Variants in FSTL5 observed in about 807,000 individuals in gnomAD.
FSTL5 encodes the protein follistatin-related protein 5.
In FSTL5, 62 loss-of-function variants were observed where a neutral mutation model predicts 89.1. The observed-to-expected ratio is 0.70, with a 90% CI of 0.57 to 0.86. The LOEUF (loss-of-function observed/expected upper bound fraction) is 0.86. FSTL5 is among the 40% of genes least tolerant of loss of function. FSTL5 has a pLI of 0.00. For synonymous variants in FSTL5, 383 were observed against 346.2 expected (o/e 1.11, Z -1.18); for missense variants, 1,057 against 1,001.6 (o/e 1.06, Z -0.75).
intron 4 of FSTL5, among the ~76,000 whole-genome samples, chr4:161,842,317 A>G (rs912983366): frequency 3.9e-5 from 6 of 152,158 alleles, no homozygotes. Context: ...ACTAACTATG[A>G]GACTAAGAGT....
At chr4:161,451,966 A>G (rs1337119063) in intron 15 of FSTL5, among the ~76,000 whole-genome samples, 1 of 152,246 alleles carries the variant, frequency 6.6e-6, no homozygotes, top group East Asian at 1.9e-4. Flanking sequence ...ATTTGAAATA[A>G]GTGTACCAGC....
chr4:161,476,183 T>TTTG (rs1553990023), intron 13 of FSTL5, among the ~76,000 whole-genome samples: 8 of 105,774 alleles, frequency 7.6e-5, no homozygotes, highest in Non-Finnish European at 1.3e-4. Context: ...GTTTTTTTTT[T>TTTG]TTTTTGTTTG....
At chr4:161,817,167 T>G (rs1404225705) in intron 4 of FSTL5, among the ~76,000 whole-genome samples, 1 of 152,238 alleles carries the variant, frequency 6.6e-6, no homozygotes, top group Non-Finnish European at 1.5e-5. Flanking sequence ...AAAATTATAA[T>G]GATATTTTAT....
intron 6 of FSTL5, among the ~76,000 whole-genome samples, chr4:161,740,478 A>G (rs560500183): frequency 1.3e-5 from 2 of 152,142 alleles, no homozygotes; most frequent in Non-Finnish European, 2.9e-5. Context: ...TAAAAGAAAA[A>G]AAAAAGCAAG....
chr4:161,573,753 A>AGG (rs1560960343), intron 8 of FSTL5, among the ~76,000 whole-genome samples: 1 of 131,470 alleles, frequency 7.6e-6, no homozygotes, highest in African/African-American at 2.9e-5. Context: ...AAAAAAAAAA[A>AGG]AAAAGAAAAG....
At chr4:161,525,258 G>A (rs1731177516) in intron 10 of FSTL5, among the ~76,000 whole-genome samples, 1 of 152,134 alleles carries the variant, frequency 6.6e-6, no homozygotes, top group Non-Finnish European at 1.5e-5. Flanking sequence ...TTGACCACAT[G>A]CTAGCAACAT....
At chr4:161,739,178 G>C (rs867857620) in intron 6 of FSTL5, among the ~76,000 whole-genome samples, 27 of 152,294 alleles carry the variant, frequency 1.8e-4, no homozygotes, top group African/African-American at 6.5e-4. Flanking sequence ...TGCTGCAGAA[G>C]TAATTAGTTA....
chr4:161,520,581 A>C (rs139314370), intron 10 of FSTL5, among the ~76,000 whole-genome samples: 24 of 152,252 alleles, frequency 1.6e-4, no homozygotes, highest in African/African-American at 5.8e-4. Flanking sequence ...GACACGTAGG[A>C]GTAAATATAT....
intron 7 of FSTL5, among the ~76,000 whole-genome samples, chr4:161,642,370 A>G (rs1735994585): frequency 6.6e-6 from 1 of 152,222 alleles, no homozygotes; most frequent in East Asian, 1.9e-4. Flanking sequence ...TTAAATGGAA[A>G]TGAATTAAAT....
chr4:162,157,016 T>C (rs1489091670), intron 1 of FSTL5, among the ~76,000 whole-genome samples: 1 of 152,162 alleles, frequency 6.6e-6, no homozygotes. Flanking sequence ...ATGCACAGGA[T>C]TTTATGAATC....
intron 6 of FSTL5, among the ~76,000 whole-genome samples, chr4:161,711,041 G>C (rs1484423098): frequency 2.6e-5 from 4 of 152,122 alleles, no homozygotes; most frequent in African/African-American, 9.7e-5. Flanking sequence ...TAGGTAAGCA[G>C]TGCTTAGAGA....
At chr4:161,475,790 C>A in intron 13 of FSTL5, among the ~76,000 whole-genome samples, 1 of 151,892 alleles carries the variant, frequency 6.6e-6, no homozygotes, top group East Asian at 1.9e-4. Flanking sequence ...CACTCTGTTG[C>A]CCAGGCTGGA....
intron 1 of FSTL5, among the ~76,000 whole-genome samples, chr4:162,143,741 CACACA>C (rs370155076): frequency 0.4 from 54,751 of 136,362 alleles, 11,191 homozygotes; most frequent in Admixed American, 0.5. Context: ...CACACACACA[CACACA>C]CACCCAGGAA....
Position 161,384,342 on chromosome 4 carries a change from C to A in FSTL5, c.*1405G>T, listed in dbSNP as rs1299147701. 1 of 151,946 alleles carries A rather than the reference C, an allele frequency of 6.6e-6. No individual in the cohort carries two copies. The highest frequency in any genetic ancestry group is 1.5e-5 in the Non-Finnish European group (1 of 67,918). 9.4% of individuals were successfully genotyped at this position (151,946 alleles called of 1,614,324 possible). Reference sequence around the variant, plus strand: ...TAACATTTTTTTGCAACAATAAAAACAAAAATAAGTACAAGGATTTTCAAA... The same window carrying A: ...TAACATTTTTTTGCAACAATAAAAAAAAAAATAAGTACAAGGATTTTCAAA... On this transcript the variant is annotated 3_prime_UTR_variant, in exon 16 of 16. Transcript: ENST00000306100.
intron 1 of FSTL5, among the ~76,000 whole-genome samples, chr4:162,124,417 C>G (rs763789344): frequency 6.6e-6 from 1 of 152,116 alleles, no homozygotes; most frequent in South Asian, 2.1e-4. Flanking sequence ...TTTCTCCATT[C>G]TCTCCTCTTC....
intron 11 of FSTL5, among the ~76,000 whole-genome samples, chr4:161,508,365 T>C (rs942661879): frequency 6.6e-6 from 1 of 152,124 alleles, no homozygotes; most frequent in Non-Finnish European, 1.5e-5. Context: ...ATGATAACTG[T>C]ATGTAGAAAA....
intron 6 of FSTL5, among the ~76,000 whole-genome samples, chr4:161,685,452 A>C (rs1737679768): frequency 6.6e-6 from 1 of 151,972 alleles, no homozygotes; most frequent in Non-Finnish European, 1.5e-5. Context: ...TTCCTTGTAG[A>C]TGTCTTTCAC....
intron 15 of FSTL5, among the ~76,000 whole-genome samples, chr4:161,413,859 G>A (rs967655767): frequency 7.9e-5 from 12 of 152,090 alleles, no homozygotes; most frequent in East Asian, 5.8e-4. Flanking sequence ...ACCTGTAAGC[G>A]GTAGCTAAGC....
At chr4:162,063,575 G>A (rs1246418492) in intron 2 of FSTL5, among the ~76,000 whole-genome samples, 1 of 151,752 alleles carries the variant, frequency 6.6e-6, no homozygotes. Context: ...AAGAAAAACA[G>A]CATACATTAT....
Sources: allele counts gnomAD v4.1 joint callset (sites outside exome capture counted in the v4.1 genomes callset), GRCh38; gene constraint gnomAD v4.1.1; transcripts MANE v1.5; gene names NCBI Gene and HGNC (gene_info 2026-07-23, HGNC 2026-07-21).